The following ADPRHL1 variants were observed in gnomAD, a reference collection of about 807,000 sequenced individuals.
ADPRHL1 encodes the protein ADP-ribosylhydrolase like 1.
ADPRHL1 carries 43 observed loss-of-function variants against 44.1 expected under a neutral mutation model. The ratio of observed to expected loss-of-function variants is 0.98; its 90% CI spans 0.76 to 1.26. ADPRHL1 has a LOEUF of 1.26. Among genes scored for constraint, ADPRHL1 ranks in the 50% most tolerant of loss-of-function variants. The pLI, the probability that ADPRHL1 is intolerant of heterozygous loss-of-function variation, is 0.00. For missense variants in ADPRHL1, 2,022 were observed against 2,496.9 expected (o/e 0.81, Z 4.05); for synonymous variants, 878 against 1,017.4 (o/e 0.86, Z 2.61).
Position 113,453,123 on chromosome 13 carries a change from G to A in ADPRHL1, c.214+101C>T. 1.5e-6 allele frequency: 2 copies of A among 1,308,656 alleles called. No individual in the cohort carries two copies. The highest frequency in any genetic ancestry group is 2.2e-6 in the Non-Finnish European group (2 of 929,292). 81.1% of individuals were successfully genotyped at this position (1,308,656 alleles called of 1,614,324 possible). On this transcript the variant is annotated intron_variant, in intron 1 of 7. Coordinates refer to ENST00000612156, the MANE Select transcript of ADPRHL1 (RefSeq NM_001394807.1). This position sits in a 1 kb window ranked among gnomAD's most constrained non-coding sequence, Gnocchi z 5.4. ...GTATCAGGTAACACCATCCGCTGAA[G>A]GACCGCACTGCCTTCAAAGCTCTCG...
At chr13:113,427,434 A>G (rs1200201260) in intron 4 of ADPRHL1, among the ~76,000 whole-genome samples, 2 of 152,202 alleles carry the variant, frequency 1.3e-5, no homozygotes, top group African/African-American at 4.8e-5. Context: ...TCTCCATGTT[A>G]GTCAGGCTGA....
chr13:113,406,355 C>A lies in ADPRHL1; in HGVS notation c.2927G>T (p.Gly976Val), dbSNP rs189561106. The change falls in exon 8 of 8, where the codon GGA becomes GTA. Residue 976 changes from glycine (G) to valine (V), a missense_variant. Transcript: ENST00000612156. ...ATCTCTGAGCTCAGAGGTCCTCTCT[C>A]CTGAAATATCGTCAGGATTCCTGGG... is the stretch of plus-strand genomic sequence containing the variant. ...HGPRNPDDIS[G>V]ERTSELRDVK... 885 of 1,232,108 alleles carry A rather than the reference C, an allele frequency of 7.2e-4. 6 individuals are homozygous for A. The African/African-American group carries it at 8.1e-3, about 11-fold the overall frequency. The allele number at this position is 1,232,108 out of a possible 1,614,324, so 76.3% of individuals were successfully genotyped here.
intron 4 of ADPRHL1, among the ~76,000 whole-genome samples, chr13:113,426,742 C>G (rs940825442): frequency 6.6e-6 from 1 of 152,250 alleles, no homozygotes; most frequent in African/African-American, 2.4e-5. Context: ...ACCCACAGGG[C>G]CTGAAACTCC....
chr13:113,424,079 G>T, intron 6 of ADPRHL1, 138 bp downstream of exon 6: 1 of 1,252,788 alleles, frequency 8.0e-7, no homozygotes, highest in Non-Finnish European at 1.1e-6. Flanking sequence ...GTGGGTTCCA[G>T]AAAGGAAGAG....
chr13:113,451,764 C>T (rs1160265001), intron 1 of ADPRHL1, among the ~76,000 whole-genome samples: 4 of 152,104 alleles, frequency 2.6e-5, no homozygotes, highest in Non-Finnish European at 2.9e-5. Context: ...GCTGAGATCA[C>T]GCCACTGCAC....
chr13:113,427,088 G>A (rs7338565), intron 4 of ADPRHL1, among the ~76,000 whole-genome samples: 54,827 of 152,074 alleles, frequency 0.36, 10,384 homozygotes, highest in Middle Eastern at 0.53. Flanking sequence ...CTTTAAACTG[G>A]TATCTGTGCA....
chr13:113,418,994 C>CCCTCCCTTCCTT (rs2043900240), intron 7 of ADPRHL1, among the ~76,000 whole-genome samples: 4 of 139,328 alleles, frequency 2.9e-5, no homozygotes, highest in Non-Finnish European at 1.6e-5. Flanking sequence ...CTCCCTCCCT[C>CCCTCCCTTCCTT]CCTCCCTTCC....
rs1003765361 is a variant in ADPRHL1, at chr13:113,406,520, C to A, written c.2762G>T (p.Arg921Leu). The A allele has an allele frequency of 8.1e-7, 1 of 1,231,924 alleles. No homozygotes were observed. The highest frequency in any genetic ancestry group is 1.0e-6 in the Non-Finnish European group (1 of 988,024). The allele number at this position is 1,231,924 out of a possible 1,614,324, so 76.3% of individuals were successfully genotyped here. A position where few individuals can be genotyped will look rare whatever the true frequency, so the allele number is the denominator to read the frequency against. Reference sequence around the variant, plus strand: ...TGCTGCTGCCAGACGCGGAGCTGCCCGTGGCCCCTGCGGCGAAGAGGCGCT... The same window carrying A: ...TGCTGCTGCCAGACGCGGAGCTGCCAGTGGCCCCTGCGGCGAAGAGGCGCT... ...GLSASSPQGPRAAPRLAAARG... is the reference protein window; with the variant it reads ...GLSASSPQGPLAAPRLAAARG... The change falls in exon 8 of 8, where the codon CGG (arginine) becomes CTG (leucine). Residue 921 changes from arginine to leucine, a missense_variant. Arg to Leu is a moderately radical substitution (Grantham distance 102). This residue lies in a region of ADPRHL1 where 1,221 missense variants were observed against 1,517.8 expected (regional missense o/e 0.80). Transcript: ENST00000612156.
rs2139594019 is a variant in ADPRHL1 at position 113,406,064 on chromosome 13, A to G, written c.3218T>C (p.Leu1073Pro). 1 of 1,232,172 alleles carries G rather than the reference A, an allele frequency of 8.1e-7. No individual in the cohort carries two copies. 76.3% of individuals were successfully genotyped at this position (1,232,172 alleles called of 1,614,324 possible). A position where few individuals can be genotyped will look rare whatever the true frequency, so the allele number is the denominator to read the frequency against. The stretch of plus-strand genomic sequence containing the variant: ...CAGGGGCTGAGAAGACTCTATTAGC[A>G]GCGGCCTTCTGCATTCCTCCAGCGC... The part of the protein sequence containing the change: ...PGALEECRRP[L>P]LIESSQPLKA... The change falls in exon 8 of 8, where the codon CTG becomes CCG. Residue 1073 changes from leucine to proline, a missense_variant. Coordinates refer to ENST00000612156, the MANE Select transcript of ADPRHL1 (RefSeq NM_001394807.1).
In ADPRHL1 at chr13:113,409,867, C is replaced by G; in HGVS notation, c.1062-1647G>C. ...TCGCACCACTGCACTCCAGCCTGAG[C>G]GACAGAGCGAGACTCCGTCTCAAAA... On this transcript the variant is annotated intron_variant, in intron 7 of 7. Transcript: ENST00000612156. This position sits in a 1 kb window ranked among gnomAD's most constrained non-coding sequence, Gnocchi z 4.2. 1.1e-6 allele frequency: 1 copy of G among 908,162 alleles called. No individual in the cohort carries two copies. The highest frequency in any genetic ancestry group is 1.3e-6 in the Non-Finnish European group (1 of 779,398). The allele number at this position is 908,162 out of a possible 1,614,324, so 56.3% of individuals were successfully genotyped here.
At position 113,422,968 on chromosome 13, in the gene ADPRHL1, C is replaced by T. The variant is rs151263847; in HGVS notation, c.919G>A (p.Ala307Thr). The T allele has an allele frequency of 5.0e-6, 8 of 1,612,728 alleles. No homozygotes were observed. The African/African-American group carries it at 9.3e-5, about 19-fold the overall frequency. ...AGGCAGCCTGCAATGGTGCCCGTGGCCGCGCTCTCCCCTGAAACGCAAAGG... is the reference window on the plus strand; with the variant it reads ...AGGCAGCCTGCAATGGTGCCCGTGGTCGCGCTCTCCCCTGAAACGCAAAGG... ...RAMFHGGESA[A>T]TGTIAGCLFG... is the part of the protein sequence containing the mutation. The change falls in exon 7 of 8, where the codon GCC (alanine) becomes ACC (threonine). Residue 307 changes from alanine (A) to threonine (T), a missense_variant. By Grantham distance (58) the Ala-to-Thr change is moderately conservative. Around this residue, in one of 8 missense-constraint regions of ADPRHL1, gnomAD observed 437 missense variants for 430.7 expected, o/e 1.01. Transcript: ENST00000612156.
chr13:113,407,984 T>C lies in ADPRHL1; in HGVS notation c.1298A>G (p.Gln433Arg). The change falls in exon 8 of 8, where the codon CAG (glutamine) becomes CGG (arginine). Residue 433 changes from glutamine to arginine, a missense_variant. Physicochemically the swap from Gln to Arg is conservative, Grantham distance 43 (BLOSUM62 1). This residue lies in a region of ADPRHL1 where 1,221 missense variants were observed against 1,517.8 expected (regional missense o/e 0.80). Transcript: ENST00000612156. Reference protein sequence around the residue: ...TQRPTRFQLLQAKFLGTGRER... With the variant: ...TQRPTRFQLLRAKFLGTGRER... ...CCGGCCAGTGCCCAGGAACTTGGCC[T>C]GCAGGAGCTGGAAGCGCGTGGGCCG... 8.1e-7 allele frequency: 1 copy of C among 1,232,254 alleles called. No individual in the cohort carries two copies. The allele number at this position is 1,232,254 out of a possible 1,614,324, so 76.3% of individuals were successfully genotyped here.
chr13:113,422,866 C>A lies in ADPRHL1; in HGVS notation c.1021G>T (p.Asp341Tyr), dbSNP rs201873835. The A allele has an allele frequency of 4.3e-6, 7 of 1,612,834 alleles. No individual in the cohort carries two copies. Among genetic ancestry groups the A allele is most frequent in the Non-Finnish European group, 5.9e-6 (7 of 1,179,996 alleles). The change falls in exon 7 of 8, where the codon GAC (aspartate) becomes TAC (tyrosine). Residue 341 changes from aspartate to tyrosine, a missense_variant. This residue lies in a region of ADPRHL1 where 1,221 missense variants were observed against 1,517.8 expected (regional missense o/e 0.80). Coordinates refer to ENST00000612156, the MANE Select transcript of ADPRHL1 (RefSeq NM_001394807.1). ...AGGCGGTAGAGAGCCGCGCCCAGGT[C>A]CTCCAGCTTCTCCTTGTCCTCCAGG... ...QDLEDKEKLE[D>Y]LGAALYRLST... is the part of the protein sequence containing the mutation.
In ADPRHL1 at chr13:113,429,082, G is replaced by C. The variant is rs1022771361; in HGVS notation, c.516C>G (p.Gly172=). ...MTHNHPTGFL[G]SLCTALFVSF... is the part of the protein sequence containing the mutation. The stretch of plus-strand genomic sequence containing the variant: ...ACACAAACAGGGCCGTGCACAGGGA[G>C]CCCAGGAAGCCTGGAGGGCAGGGAA... Residue 172 remains glycine, a synonymous_variant, in exon 4 of 8, where the codon GGC becomes GGG. Transcript: ENST00000612156. 7 of 1,609,314 alleles carry C rather than the reference G, an allele frequency of 4.3e-6. No homozygotes were observed. The African/African-American group carries it at 9.4e-5, about 22-fold the overall frequency.
At chr13:113,424,884 C>G (rs61968972) in intron 5 of ADPRHL1, among the ~76,000 whole-genome samples, 168 bp downstream of exon 5, 1 of 135,784 alleles carries the variant, frequency 7.4e-6, no homozygotes, top group Non-Finnish European at 1.6e-5. Flanking sequence ...ATTTACTTAC[C>G]CATCCATTCA....
chr13:113,417,265 A>T (rs565995053), intron 7 of ADPRHL1, among the ~76,000 whole-genome samples: 4 of 152,200 alleles, frequency 2.6e-5, no homozygotes, highest in Non-Finnish European at 5.9e-5. Context: ...CGCCGGCACC[A>T]CCAGGGCCCC....
At chr13:113,437,879 T>G (rs1055945730) in intron 2 of ADPRHL1, among the ~76,000 whole-genome samples, 1 of 152,236 alleles carries the variant, frequency 6.6e-6, no homozygotes, top group Non-Finnish European at 1.5e-5. Flanking sequence ...TGGCCCAGGC[T>G]GGAGTGCAGC....
At position 113,424,348 on chromosome 13, in the gene ADPRHL1, G is replaced by A. The variant is rs1341289054; in HGVS notation, c.776C>T (p.Thr259Ile). Residue 259 changes from threonine to isoleucine, a missense_variant and splice_region_variant, in exon 6 of 8, where the codon ACC becomes ATC. Transcript: ENST00000612156. ...DNYDAEEREK[T>I]YRKWSSEGRG... is the part of the protein sequence containing the mutation. ...ACCTTCCGAGCTCCACTTCCTGTAGGTCTGACAAGAGAGCCGTGGGTCGGG... is the reference window on the plus strand; with the variant it reads ...ACCTTCCGAGCTCCACTTCCTGTAGATCTGACAAGAGAGCCGTGGGTCGGG... 6.2e-7 allele frequency: 1 copy of A among 1,612,744 alleles called. No homozygotes were observed. Among genetic ancestry groups the A allele is most frequent in the Admixed American group, 1.7e-5 (1 of 60,010 alleles).
intron 7 of ADPRHL1, among the ~76,000 whole-genome samples, chr13:113,420,509 T>G (rs1011148067): frequency 1.3e-5 from 2 of 152,120 alleles, no homozygotes; most frequent in African/African-American, 4.8e-5. Context: ...GTGTTACTTA[T>G]GCTAGCAACA....
Sources: allele counts gnomAD v4.1 joint callset (sites outside exome capture counted in the v4.1 genomes callset), GRCh38; gene constraint gnomAD v4.1.1; regional missense constraint gnomAD v4.1.1; non-coding constraint Gnocchi (gnomAD v3.1); transcripts MANE v1.5; gene names NCBI Gene and HGNC (gene_info 2026-07-23, HGNC 2026-07-21).